PADI2: variants seen among roughly 807,000 people sequenced by gnomAD.
The protein encoded by PADI2 is peptidyl arginine deiminase 2.
PADI2 carries 70 observed loss-of-function variants against 81.1 expected under a neutral mutation model. The observed-to-expected ratio is 0.86, with a 90% CI of 0.71 to 1.05. PADI2 has a LOEUF of 1.05. Among genes scored for constraint, PADI2 ranks in the 50% least tolerant of loss-of-function variants. The pLI is 0.00. For missense variants in PADI2, 853 were observed against 889.9 expected, an observed-to-expected ratio of 0.96 and a Z score of 0.53; for synonymous variants, 338 against 358.0, an observed-to-expected ratio of 0.94 and a Z score of 0.63.
chr1:17,071,310 C>T (rs182289695), intron 14 of PADI2, 96 bp downstream of exon 14: 4 of 871,964 alleles, frequency 4.6e-6, no homozygotes, highest in Non-Finnish European at 7.6e-6. Flanking sequence ...GCTCCTGAGC[C>T]CTTGGCCATT....
Position 17,088,906 on chromosome 1 carries a change from C to CA in PADI2, c.656-2208dup, listed in dbSNP as rs753463253. ...TGGGCGACAGAGCGAGACTCCATCT[C>CA]AAAAAAAAAAAAAAAAAAAAAAAAA... is the stretch of plus-strand genomic sequence containing the variant. On this transcript the variant is annotated intron_variant, in intron 6 of 15. Coordinates refer to ENST00000375486, the MANE Select transcript of PADI2 (RefSeq NM_007365.3). 5.3e-3 allele frequency among the ~76,000 whole-genome samples: 204 copies of CA among 38,774 alleles called. 1 individual carries two copies. Among genetic ancestry groups the CA allele is most frequent in the East Asian group, 0.024 (25 of 1,034 alleles). 25.4% of individuals were successfully genotyped at this position (38,774 alleles called of 152,430 possible).
In PADI2 at chr1:17,102,990, T is replaced by C. The variant is rs1194599267; in HGVS notation, c.346A>G (p.Ile116Val). 1.9e-6 allele frequency: 3 copies of C among 1,609,316 alleles called. No homozygotes were observed. The highest frequency in any genetic ancestry group is 1.3e-5 in the African/African-American group (1 of 74,780). ...GACGGCAACCATGCCAACTCACCAA[T>C]GGCTGTGAGGAAGAGCCCCGCCTGG... ...IDQAGLFLTA[I>V]EISLDVDADR... is the part of the protein sequence containing the mutation. The change falls in exon 3 of 16, where the codon ATT (isoleucine) becomes GTT (valine). Residue 116 changes from isoleucine (I) to valine (V), a missense_variant. Transcript: ENST00000375486.
At chr1:17,077,696 G>A (rs151029141) in intron 11 of PADI2, among the ~76,000 whole-genome samples, 252 of 152,326 alleles carry the variant, frequency 1.7e-3, no homozygotes, top group African/African-American at 5.9e-3. Context: ...GGAGGCAAAA[G>A]TGGGCAAACA....
chr1:17,092,451 A>G lies in PADI2; in HGVS notation c.612T>C (p.Ile204=). 1.2e-6 allele frequency: 2 copies of G among 1,606,866 alleles called. No individual in the cohort carries two copies. The highest frequency in any genetic ancestry group is 1.7e-6 in the Non-Finnish European group (2 of 1,177,084). Residue 204 remains isoleucine (I), a synonymous_variant, in exon 6 of 16, where the codon ATT becomes ATC. Transcript: ENST00000375486. ...CCACTTTGTCTGAGTCTGACATGGA[A>G]ATGTACAGAACTATCTCGTATCCGG... ...LPAGYEIVLY[I]SMSDSDKVGV... is the part of the protein sequence containing the mutation.
intron 11 of PADI2, among the ~76,000 whole-genome samples, chr1:17,077,403 T>C (rs1263095475): frequency 6.6e-6 from 1 of 151,952 alleles, no homozygotes; most frequent in Non-Finnish European, 1.5e-5. Flanking sequence ...TGGCACAGAG[T>C]AGTTTCTCAA....
At chr1:17,104,498 G>A (rs1236207358) in intron 2 of PADI2, among the ~76,000 whole-genome samples, 4 of 122,332 alleles carry the variant, frequency 3.3e-5, no homozygotes, top group Admixed American at 2.7e-4. Context: ...GCAGTGGTGC[G>A]ATCTCGGCTC....
At chr1:17,112,737 G>C (rs1035141913) in intron 1 of PADI2, among the ~76,000 whole-genome samples, 1 of 152,154 alleles carries the variant, frequency 6.6e-6, no homozygotes, top group African/African-American at 2.4e-5. Flanking sequence ...CTCACCACCT[G>C]GTGCATCCAG....
At chr1:17,092,163 G>GTAGGGA (rs1276580921) in intron 6 of PADI2, among the ~76,000 whole-genome samples, 1 of 152,078 alleles carries the variant, frequency 6.6e-6, no homozygotes, top group Admixed American at 6.6e-5. Flanking sequence ...CCCCTGATTC[G>GTAGGGA]TAGGGAGGAA....
chr1:17,070,008 C>T, intron 15 of PADI2, 80 bp downstream of exon 15: 2 of 1,497,822 alleles, frequency 1.3e-6, no homozygotes, highest in South Asian at 1.3e-5. Context: ...CCCCATTGGA[C>T]AGCTTCAGCT....
intron 6 of PADI2, among the ~76,000 whole-genome samples, chr1:17,087,042 G>A (rs1930495636): frequency 6.6e-6 from 1 of 152,190 alleles, no homozygotes; most frequent in Admixed American, 6.5e-5. Flanking sequence ...TTTCACAGAT[G>A]AGGAAACCAA....
At chr1:17,095,551 G>A (rs886197822) in intron 4 of PADI2, among the ~76,000 whole-genome samples, 1 of 152,212 alleles carries the variant, frequency 6.6e-6, no homozygotes, top group African/African-American at 2.4e-5. Flanking sequence ...GCGACCCTCT[G>A]TCCTGAGGGT....
intron 2 of PADI2, among the ~76,000 whole-genome samples, chr1:17,104,134 A>T (rs2101604819): frequency 6.6e-6 from 1 of 151,610 alleles, no homozygotes; most frequent in South Asian, 2.1e-4. Context: ...TACAAAAAAA[A>T]AAAAAAATTA....
rs1302800849 is a variant in PADI2, at chr1:17,067,265, CACAT to C, written c.*1775_*1778del. On this transcript the variant is annotated 3_prime_UTR_variant, in exon 16 of 16. Coordinates refer to ENST00000375486, the MANE Select transcript of PADI2 (RefSeq NM_007365.3). ...CCCACATTAACCAAACACACACACA[CACAT>C]GACAAACTCTAAGTCTCCAGACAGA... is the stretch of plus-strand genomic sequence containing the variant. The C allele has an allele frequency of 6.7e-6, 1 of 150,028 alleles. No individual in the cohort carries two copies. The highest frequency in any genetic ancestry group is 2.0e-4 in the East Asian group (1 of 5,094). The allele number at this position is 150,028 out of a possible 1,614,324, so 9.3% of individuals were successfully genotyped here.
chr1:17,102,050 G>A (rs1466263446), intron 3 of PADI2, among the ~76,000 whole-genome samples: 2 of 152,246 alleles, frequency 1.3e-5, no homozygotes, highest in South Asian at 2.1e-4. Flanking sequence ...TAGACACACA[G>A]TAGGCCTGCA....
Position 17,068,305 on chromosome 1 carries a change from T to C in PADI2, c.*739A>G, listed in dbSNP as rs915124614. On this transcript the variant is annotated 3_prime_UTR_variant, in exon 16 of 16. Coordinates refer to ENST00000375486, the MANE Select transcript of PADI2 (RefSeq NM_007365.3). ...GCATTGAACTCTCAGGTCACAAGTA[T>C]GCTGGTCTGGGGAGAAATCCCCATG... 2 of 152,722 alleles carry C rather than the reference T, an allele frequency of 1.3e-5. No homozygotes were observed. Among genetic ancestry groups the C allele is most frequent in the African/African-American group, 4.8e-5 (2 of 41,462 alleles). 9.5% of individuals were successfully genotyped at this position (152,722 alleles called of 1,614,324 possible). A position where few individuals can be genotyped will look rare whatever the true frequency, so the allele number is the denominator to read the frequency against.
At chr1:17,083,862 A>G (rs2078365802) in intron 8 of PADI2, 25 bp from the exon 9 acceptor site, 2 of 1,437,842 alleles carry the variant, frequency 1.4e-6, no homozygotes, top group Non-Finnish European at 2.0e-6. Context: ...GAAGAAGGAG[A>G]GGCCAGGAGA....
At position 17,078,362 on chromosome 1, in the gene PADI2, C is replaced by T. The variant is rs186610834; in HGVS notation, c.1310+902G>A. Among the ~76,000 whole-genome samples, 1,133 of 152,222 alleles carry T rather than the reference C, an allele frequency of 7.4e-3. 14 individuals are homozygous for T. Among genetic ancestry groups the T allele is most frequent in the Middle Eastern group, 0.014 (4 of 294 alleles). ...CCGACCTCAGGTGATCCACCCGCCT[C>T]GGCCTCCCAAAGTACTGGGATTACA... is the stretch of plus-strand genomic sequence containing the variant. On this transcript the variant is annotated intron_variant, in intron 11 of 15. Transcript: ENST00000375486.
At chr1:17,086,479 C>T (rs762698975) in intron 7 of PADI2, 42 bp downstream of exon 7, 2 of 1,554,760 alleles carry the variant, frequency 1.3e-6, no homozygotes, top group African/African-American at 2.7e-5. Flanking sequence ...CCACCCTGGC[C>T]CCTGGGGTTA....
chr1:17,116,971 C>T (rs1931779061), intron 1 of PADI2, among the ~76,000 whole-genome samples: 1 of 152,216 alleles, frequency 6.6e-6, no homozygotes, highest in Non-Finnish European at 1.5e-5. Flanking sequence ...GATTTTGCCC[C>T]CTGCCAGGGG....
Sources: allele counts gnomAD v4.1 joint callset (sites outside exome capture counted in the v4.1 genomes callset), GRCh38; gene constraint gnomAD v4.1.1; transcripts MANE v1.5; gene names NCBI Gene and HGNC (gene_info 2026-07-23, HGNC 2026-07-21).